SMARCA4: variants seen among roughly 807,000 people sequenced by gnomAD.
SMARCA4 encodes SWI/SNF-related matrix-associated actin-dependent regulator of chromatin subfamily A member 4.
SMARCA4 carries 31 observed loss-of-function variants against 193.9 expected under a neutral mutation model. The ratio of observed to expected loss-of-function variants is 0.16; its 90% CI spans 0.12 to 0.22. SMARCA4 has a LOEUF of 0.22. Among genes scored for constraint, SMARCA4 ranks in the 10% least tolerant of loss-of-function variants. SMARCA4 has a pLI of 1.00. For missense variants in SMARCA4, 1,148 were observed against 2,296.0 expected (o/e 0.50, Z 10.22); for synonymous variants, 942 against 933.1 (o/e 1.01, Z -0.17).
rs1040139330 is a variant in SMARCA4, at chr19:11,019,462, C to G, written c.2506-129C>G. The G allele has an allele frequency of 1.2e-5, 8 of 682,422 alleles. No homozygotes were observed. Among genetic ancestry groups the G allele is most frequent in the African/African-American group, 8.8e-5 (5 of 56,872 alleles). 42.3% of individuals were successfully genotyped at this position (682,422 alleles called of 1,614,324 possible). On this transcript the variant is annotated intron_variant, in intron 17 of 34. Transcript: ENST00000344626. The surrounding 1 kb of genome is among the most constrained non-coding windows in gnomAD (Gnocchi z 6.1). The stretch of plus-strand genomic sequence containing the variant: ...CGCCAGCGGCCCTGCCAGCCCCTTT[C>G]CCCACTACCCCTGTGAGGACGAGCC...
Position 10,987,108 on chromosome 19 carries a change from G to A in SMARCA4, c.859+105G>A. 2 of 809,164 alleles carry A rather than the reference G, an allele frequency of 2.5e-6. No individual in the cohort carries two copies. Among genetic ancestry groups the A allele is most frequent in the Non-Finnish European group, 4.1e-6 (2 of 482,002 alleles). 50.1% of individuals were successfully genotyped at this position (809,164 alleles called of 1,614,324 possible). A position where few individuals can be genotyped will look rare whatever the true frequency, so the allele number is the denominator to read the frequency against. ...AGGGAGAAAGGGCCGAGGGTGGTCAGGCTGAACTGCAGCCTGTACTTTTCT... is the reference window on the plus strand; with the variant it reads ...AGGGAGAAAGGGCCGAGGGTGGTCAAGCTGAACTGCAGCCTGTACTTTTCT... On this transcript the variant is annotated intron_variant, in intron 5 of 34. Transcript: ENST00000344626. This position sits in a 1 kb window ranked among gnomAD's most constrained non-coding sequence, Gnocchi z 5.3.
intron 15 of SMARCA4, chr19:11,012,476 C>G (rs1271678943): frequency 1.0e-5 from 2 of 199,868 alleles, no homozygotes; most frequent in Admixed American, 1.0e-4. Context: ...AAATAGTCTT[C>G]TGTTTAAGGC....
chr19:10,966,873 G>A (rs1313168537), intron 1 of SMARCA4, among the ~76,000 whole-genome samples: 1 of 145,162 alleles, frequency 6.9e-6, no homozygotes, highest in Admixed American at 6.9e-5. Flanking sequence ...GGGCGACAGA[G>A]CAAGACTACG....
chr19:11,058,914 G>T lies in SMARCA4; in HGVS notation c.4635+25G>T, dbSNP rs1222821777. 1 of 1,570,636 alleles carries T rather than the reference G, an allele frequency of 6.4e-7. No individual in the cohort carries two copies. The highest frequency in any genetic ancestry group is 8.8e-7 in the Non-Finnish European group (1 of 1,141,282). On this transcript the variant is annotated intron_variant, in intron 32 of 34. Transcript: ENST00000344626. This position sits in a 1 kb window ranked among gnomAD's most constrained non-coding sequence, Gnocchi z 5.8. ...GGTGAGGGCACCGCTGGGGGTTGGG[G>T]ATGGGCCACTCCCACAGCTGGGCTT...
chr19:11,042,699 G>A (rs540561219), intron 30 of SMARCA4, among the ~76,000 whole-genome samples: 35 of 152,300 alleles, frequency 2.3e-4, no homozygotes, highest in East Asian at 9.7e-4. Flanking sequence ...CAAAATTACC[G>A]CGCAAGGCCA....
intron 29 of SMARCA4, among the ~76,000 whole-genome samples, chr19:11,037,046 G>T (rs139315031): frequency 6.6e-6 from 1 of 152,284 alleles, no homozygotes; most frequent in East Asian, 1.9e-4. Flanking sequence ...ATGGACACTT[G>T]GGTTGTATCC....
intron 15 of SMARCA4, chr19:11,012,671 G>T: frequency 2.1e-6 from 1 of 470,296 alleles, no homozygotes; most frequent in Non-Finnish European, 4.0e-6. Context: ...CAATGTAACA[G>T]GTGGGAGTGA....
chr19:11,048,742 T>C (rs911483277), intron 30 of SMARCA4, among the ~76,000 whole-genome samples: 8 of 152,220 alleles, frequency 5.3e-5, no homozygotes, highest in African/African-American at 1.4e-4. Context: ...TTTTCAAATA[T>C]TGCTTTTGAT....
At chr19:11,001,683 G>A (rs1158027843) in intron 11 of SMARCA4, among the ~76,000 whole-genome samples, 1 of 152,148 alleles carries the variant, frequency 6.6e-6, no homozygotes, top group Non-Finnish European at 1.5e-5. Flanking sequence ...CTGTGGGTGA[G>A]CTTTTAGCGC....
chr19:10,987,178 G>C lies in SMARCA4; in HGVS notation c.859+175G>C, dbSNP rs116209812. 6.6e-6 allele frequency among the ~76,000 whole-genome samples: 1 copy of C among 152,198 alleles called. No individual in the cohort carries two copies. Among genetic ancestry groups the C allele is most frequent in the African/African-American group, 2.4e-5 (1 of 41,444 alleles). ...CCCCTGTAGCCAGTCAGTTCCCAAA[G>C]GCTGTCGTTCATCCCTCCTCTGACA... is the stretch of plus-strand genomic sequence containing the variant. On this transcript the variant is annotated intron_variant, in intron 5 of 34. Transcript: ENST00000344626. This position sits in a 1 kb window ranked among gnomAD's most constrained non-coding sequence, Gnocchi z 5.3.
rs1600446408 is a variant in SMARCA4, at chr19:11,039,533, T to C, written c.4171-1774T>C. The C allele has an allele frequency of 1.2e-6, 2 of 1,602,572 alleles. No individual in the cohort carries two copies. Among genetic ancestry groups the C allele is most frequent in the Non-Finnish European group, 1.7e-6 (2 of 1,175,384 alleles). The stretch of plus-strand genomic sequence containing the variant: ...GCTACAATTCCAGCGTGGCCTTCAG[T>C]TCTGCACACGTGCGTCAAAGGTGGG... On this transcript the variant is annotated intron_variant, in intron 29 of 34. Transcript: ENST00000344626.
At chr19:11,000,939 C>G (rs948186735) in intron 11 of SMARCA4, among the ~76,000 whole-genome samples, 10 of 151,704 alleles carry the variant, frequency 6.6e-5, no homozygotes, top group Non-Finnish European at 1.5e-4. Context: ...GGCTGCCTGT[C>G]CTGTGGAGTG....
chr19:10,991,988 G>A (rs1490121314), intron 8 of SMARCA4, among the ~76,000 whole-genome samples: 1 of 152,154 alleles, frequency 6.6e-6, no homozygotes, highest in Admixed American at 6.6e-5. Context: ...CTAAAATCAA[G>A]TAAGGATTTG....
chr19:10,986,059 G>A lies in SMARCA4; in HGVS notation c.356-130G>A. 1 of 811,442 alleles carries A rather than the reference G, an allele frequency of 1.2e-6. No homozygotes were observed. 50.3% of individuals were successfully genotyped at this position (811,442 alleles called of 1,614,324 possible). On this transcript the variant is annotated intron_variant, in intron 3 of 34. Coordinates refer to ENST00000344626, the MANE Select transcript of SMARCA4 (RefSeq NM_003072.5). This position sits in a 1 kb window ranked among gnomAD's most constrained non-coding sequence, Gnocchi z 6.7. ...CAGCATGTGCCCTCCAGGTGCCCCT[G>A]GTTGACTCAAGAGAAGGATGCCATT...
chr19:11,035,456 C>T (rs909351149), intron 29 of SMARCA4, among the ~76,000 whole-genome samples: 6 of 152,252 alleles, frequency 3.9e-5, no homozygotes, highest in Non-Finnish European at 7.3e-5. Context: ...GGACTGCTGG[C>T]TTTCCCAGTA....
chr19:10,973,550 G>A (rs925660850), intron 1 of SMARCA4, among the ~76,000 whole-genome samples: 5 of 149,150 alleles, frequency 3.4e-5, no homozygotes, highest in South Asian at 2.1e-4. Flanking sequence ...ACAGGCCCCC[G>A]CCACCACGCC....
At chr19:10,962,869 C>T (rs1227767214) in intron 1 of SMARCA4, among the ~76,000 whole-genome samples, 2 of 152,118 alleles carry the variant, frequency 1.3e-5, no homozygotes, top group African/African-American at 4.8e-5. Context: ...CTGGCCACCT[C>T]GGACTAGCCA....
chr19:11,022,642 G>C lies in SMARCA4; in HGVS notation c.2859+675G>C, dbSNP rs1409617032. ...AGAACTACAGAGGTTACCTCGAAGT[G>C]CCCTGCCCAGCACGGCTGGGCCCAC... On this transcript the variant is annotated intron_variant, in intron 19 of 34. Coordinates refer to ENST00000344626, the MANE Select transcript of SMARCA4 (RefSeq NM_003072.5). Among the ~76,000 whole-genome samples, 3 of 152,188 alleles carry C rather than the reference G, an allele frequency of 2.0e-5. No homozygotes were observed. The East Asian group carries it at 5.8e-4, about 29-fold the overall frequency.
rs1600168175 is a variant in SMARCA4 at position 11,007,971 on chromosome 19, C to T, written c.2071C>T (p.Pro691Ser). ...GCCCGTGGAGGAGAAGAAGAAGATT[C>T]CAGATCCAGACAGCGATGACGTCTC... is the stretch of plus-strand genomic sequence containing the variant. Reference protein sequence around the residue: ...TLPVEEKKKIPDPDSDDVSEV... With the variant: ...TLPVEEKKKISDPDSDDVSEV... Residue 691 changes from proline (P) to serine (S), a missense_variant, in exon 14 of 35, where the codon CCA becomes TCA. By Grantham distance (74) the Pro-to-Ser change is moderately conservative. Coordinates refer to ENST00000344626, the MANE Select transcript of SMARCA4 (RefSeq NM_003072.5). The T allele has an allele frequency of 1.2e-6, 2 of 1,613,770 alleles. No individual in the cohort carries two copies. Among genetic ancestry groups the T allele is most frequent in the Non-Finnish European group, 1.7e-6 (2 of 1,179,786 alleles).
Sources: gnomAD v4.1 joint callset for allele counts (sites outside exome capture counted in the v4.1 genomes callset) on GRCh38, gnomAD v4.1.1 for gene constraint, Gnocchi (gnomAD v3.1) non-coding constraint, MANE v1.5 for transcripts, NCBI Gene and HGNC (gene_info 2026-07-23, HGNC 2026-07-21) for gene names.